The following LTBP2 variants were observed in gnomAD, a reference collection of about 807,000 sequenced individuals.
LTBP2 encodes latent-transforming growth factor beta-binding protein 2.
A neutral mutation model predicts 210.6 loss-of-function variants in LTBP2; 103 were observed. That is an observed-to-expected ratio of 0.49 (90% CI 0.42 to 0.58). LTBP2 has a LOEUF of 0.58. Ranked by LOEUF, LTBP2 falls within the 20% of genes least tolerant of loss-of-function variation. The pLI, the probability that LTBP2 is intolerant of heterozygous loss-of-function variation, is 0.00. For missense variants in LTBP2, 2,313 were observed against 2,494.5 expected (o/e 0.93, Z 1.55); for synonymous variants, 1,007 against 1,015.0 (o/e 0.99, Z 0.15).
At position 74,499,924 on chromosome 14, in the gene LTBP2, T is replaced by G; in HGVS notation, c.*960A>C. On this transcript the variant is annotated 3_prime_UTR_variant, in exon 36 of 36. Transcript: ENST00000261978. ...AAACAACATTGGAAATCTGGCTGCT[T>G]CTGAACAAGACCACACTGGAAAATA... The G allele has an allele frequency of 4.3e-6, 1 of 231,058 alleles. No homozygotes were observed. The highest frequency in any genetic ancestry group is 8.6e-6 in the Non-Finnish European group (1 of 116,652). 14.3% of individuals were successfully genotyped at this position (231,058 alleles called of 1,614,324 possible). A position where few individuals can be genotyped will look rare whatever the true frequency, so the allele number is the denominator to read the frequency against.
chr14:74,536,257 A>T (rs1042607902), intron 8 of LTBP2, among the ~76,000 whole-genome samples: 1 of 152,254 alleles, frequency 6.6e-6, no homozygotes, highest in African/African-American at 2.4e-5. Flanking sequence ...TCTCACTTAC[A>T]TATGGGACCT....
chr14:74,548,956 T>C (rs1220158920), intron 8 of LTBP2, among the ~76,000 whole-genome samples: 1 of 152,256 alleles, frequency 6.6e-6, no homozygotes, highest in Non-Finnish European at 1.5e-5. Flanking sequence ...TAAAACTGTC[T>C]ACACTTATTT....
chr14:74,500,591 G>A lies in LTBP2; in HGVS notation c.*293C>T, dbSNP rs2086897798. The A allele has an allele frequency of 1.9e-6, 1 of 521,360 alleles. No individual in the cohort carries two copies. The highest frequency in any genetic ancestry group is 2.0e-5 in the South Asian group (1 of 50,130). The allele number at this position is 521,360 out of a possible 1,614,324, so 32.3% of individuals were successfully genotyped here. A position where few individuals can be genotyped will look rare whatever the true frequency, so the allele number is the denominator to read the frequency against. On this transcript the variant is annotated 3_prime_UTR_variant, in exon 36 of 36. Transcript: ENST00000261978. ...TCGCACAGCTTGGGAGGGTGGATGA[G>A]GGCCATCCTTTGGTAAGCATCCCAT...
At chr14:74,559,035 T>C (rs1289389343) in intron 3 of LTBP2, among the ~76,000 whole-genome samples, 3 of 152,186 alleles carry the variant, frequency 2.0e-5, no homozygotes, top group East Asian at 3.8e-4. Flanking sequence ...CATGCAATTA[T>C]TTCACAAATA....
At chr14:74,547,944 C>T (rs954891826) in intron 8 of LTBP2, among the ~76,000 whole-genome samples, 1 of 152,160 alleles carries the variant, frequency 6.6e-6, no homozygotes, top group African/African-American at 2.4e-5. Context: ...AAGAGACATA[C>T]TGTGCTCCAG....
intron 8 of LTBP2, among the ~76,000 whole-genome samples, chr14:74,543,678 CTG>C (rs1287209237): frequency 1.3e-5 from 2 of 152,124 alleles, no homozygotes; most frequent in African/African-American, 2.4e-5. Flanking sequence ...TATCAGTAAA[CTG>C]GAGATGATAA....
intron 3 of LTBP2, among the ~76,000 whole-genome samples, chr14:74,569,106 A>G (rs1197509911): frequency 7.1e-6 from 1 of 141,700 alleles, no homozygotes; most frequent in Non-Finnish European, 1.5e-5. Flanking sequence ...CTTAGAGGCG[A>G]GGCATGGGTC....
chr14:74,536,827 C>G (rs1261820419), intron 8 of LTBP2, among the ~76,000 whole-genome samples: 1 of 152,190 alleles, frequency 6.6e-6, no homozygotes, highest in Non-Finnish European at 1.5e-5. Flanking sequence ...GCCTGAGTGA[C>G]AGAGCAAGAC....
At chr14:74,578,422 G>A (rs1290959018) in intron 3 of LTBP2, among the ~76,000 whole-genome samples, 1 of 152,168 alleles carries the variant, frequency 6.6e-6, no homozygotes, top group Non-Finnish European at 1.5e-5. Context: ...GGGAGGTAAA[G>A]GGGCTTGCAA....
intron 2 of LTBP2, among the ~76,000 whole-genome samples, chr14:74,587,801 T>G (rs2088228831): frequency 6.6e-6 from 1 of 152,186 alleles, no homozygotes; most frequent in South Asian, 2.1e-4. Context: ...AACCAGGGGC[T>G]GGCCGGGATA....
At chr14:74,526,265 T>C in intron 13 of LTBP2, 151 bp from the exon 14 acceptor site, 2 of 778,186 alleles carry the variant, frequency 2.6e-6, no homozygotes, top group South Asian at 3.0e-5. Flanking sequence ...TCTTACTCTA[T>C]GCTGGGCATT....
chr14:74,540,822 TTTTATATAATATATATTTA>T (rs1566629915), intron 8 of LTBP2, among the ~76,000 whole-genome samples: 32 of 67,528 alleles, frequency 4.7e-4, no homozygotes, highest in African/African-American at 1.2e-3. Context: ...ATATATATAT[TTTTATATAATATATATTTA>T]TATATATTAT....
At chr14:74,513,675 C>T (rs1037759429) in intron 18 of LTBP2, among the ~76,000 whole-genome samples, 6 of 149,908 alleles carry the variant, frequency 4.0e-5, no homozygotes, top group Non-Finnish European at 7.4e-5. Flanking sequence ...TGGTGGTGGG[C>T]ACCTGTAGTC....
intron 17 of LTBP2, among the ~76,000 whole-genome samples, chr14:74,519,288 T>C (rs920763336): frequency 6.6e-6 from 1 of 152,022 alleles, no homozygotes; most frequent in African/African-American, 2.4e-5. Context: ...CATTGCAATT[T>C]CTAAACCCGG....
chr14:74,609,398 A>G (rs532024922), intron 1 of LTBP2, among the ~76,000 whole-genome samples: 12 of 152,186 alleles, frequency 7.9e-5, no homozygotes, highest in African/African-American at 2.7e-4. Flanking sequence ...GCTTTATTTC[A>G]TGACTTCTAA....
chr14:74,506,317 G>T, intron 27 of LTBP2, 126 bp from the exon 28 acceptor site: 2 of 1,274,622 alleles, frequency 1.6e-6, no homozygotes, highest in African/African-American at 1.5e-5. Flanking sequence ...AGTAAGTATA[G>T]ATTTGTAGGG....
chr14:74,574,854 TGGGAGAA>T (rs1380569568), intron 3 of LTBP2, among the ~76,000 whole-genome samples: 1 of 152,164 alleles, frequency 6.6e-6, no homozygotes, highest in Admixed American at 6.5e-5. Flanking sequence ...CAGGCTCAAA[TGGGAGAA>T]GGGGGAAGGT....
At chr14:74,570,698 A>G (rs2087964246) in intron 3 of LTBP2, among the ~76,000 whole-genome samples, 1 of 152,170 alleles carries the variant, frequency 6.6e-6, no homozygotes, top group Non-Finnish European at 1.5e-5. Context: ...ATTTTACAGA[A>G]GAGAAAACTG....
At chr14:74,525,101 C>T (rs754388032) in intron 15 of LTBP2, 23 bp downstream of exon 15, 61 of 1,283,208 alleles carry the variant, frequency 4.8e-5, no homozygotes, top group Non-Finnish European at 6.2e-5. Context: ...TGCAGGGAGC[C>T]CCAAAGGTCT....
Sources: allele counts gnomAD v4.1 joint callset (sites outside exome capture counted in the v4.1 genomes callset), GRCh38; gene constraint gnomAD v4.1.1; transcripts MANE v1.5; gene names NCBI Gene and HGNC (gene_info 2026-07-23, HGNC 2026-07-21).